DPP10: variants seen among roughly 807,000 people sequenced by gnomAD.
The protein encoded by DPP10 is dipeptidyl peptidase like 10.
In DPP10, 33 loss-of-function variants were observed where a neutral mutation model predicts 120.9. The observed-to-expected ratio is 0.27, with a 90% CI of 0.21 to 0.37. The LOEUF is 0.37. DPP10 is among the 10% of genes least tolerant of loss of function. The pLI, the probability that DPP10 is intolerant of heterozygous loss-of-function variation, is 1.00. For missense variants in DPP10, 816 were observed against 942.8 expected (o/e 0.87, Z 1.76); for synonymous variants, 337 against 326.1 (o/e 1.03, Z -0.36).
intron 1 of DPP10, among the ~76,000 whole-genome samples, chr2:115,048,902 A>G (rs1229075705): frequency 1.3e-5 from 2 of 152,004 alleles, no homozygotes; most frequent in African/African-American, 4.8e-5. Context: ...CCCTATTTTA[A>G]CAGTTGTCAT....
intron 5 of DPP10, among the ~76,000 whole-genome samples, chr2:115,624,646 A>C (rs2085220002): frequency 6.6e-6 from 1 of 152,246 alleles, no homozygotes; most frequent in African/African-American, 2.4e-5. Context: ...CAATGGAGTT[A>C]ATAATACTTA....
chr2:115,323,651 T>C (rs1464509456), intron 2 of DPP10, among the ~76,000 whole-genome samples: 2 of 152,170 alleles, frequency 1.3e-5, no homozygotes, highest in Non-Finnish European at 2.9e-5. Flanking sequence ...TCAAAATTAC[T>C]CCTTGATCCG....
At chr2:115,731,908 G>A (rs1402747293) in intron 8 of DPP10, among the ~76,000 whole-genome samples, 1 of 152,124 alleles carries the variant, frequency 6.6e-6, no homozygotes, top group Non-Finnish European at 1.5e-5. Flanking sequence ...TATTTTGACT[G>A]CTACCCCCAA....
At chr2:114,807,100 T>C (rs1185972620) in intron 1 of DPP10, among the ~76,000 whole-genome samples, 1 of 152,184 alleles carries the variant, frequency 6.6e-6, no homozygotes, top group Non-Finnish European at 1.5e-5. Flanking sequence ...TATGAGAAAG[T>C]GCATAAAACA....
At chr2:115,820,915 CT>C (rs1687755464) in intron 21 of DPP10, among the ~76,000 whole-genome samples, 1 of 151,260 alleles carries the variant, frequency 6.6e-6, no homozygotes. Flanking sequence ...ATGAATTTTA[CT>C]GCTATAAACA....
At chr2:115,467,981 G>A (rs2074435396) in intron 3 of DPP10, 2 of 265,458 alleles carry the variant, frequency 7.5e-6, no homozygotes, top group Admixed American at 4.5e-5. Flanking sequence ...TAAGGAAATT[G>A]AGCTTTCTGT....
chr2:114,999,250 C>T (rs17043894), intron 1 of DPP10, among the ~76,000 whole-genome samples: 21,127 of 152,118 alleles, frequency 0.14, 1,516 homozygotes, highest in Middle Eastern at 0.16. Context: ...AGAGAGAGAT[C>T]TGTAGTTTTG....
At chr2:114,768,386 C>G (rs1463307495) in intron 1 of DPP10, among the ~76,000 whole-genome samples, 1 of 152,024 alleles carries the variant, frequency 6.6e-6, no homozygotes, top group Non-Finnish European at 1.5e-5. Flanking sequence ...CAGGCATTAT[C>G]CTTAAGAATA....
chr2:115,140,167 A>T (rs375957149), intron 1 of DPP10, among the ~76,000 whole-genome samples: 2 of 152,240 alleles, frequency 1.3e-5, no homozygotes, highest in African/African-American at 4.8e-5. Context: ...GGGAGGATAG[A>T]AAATACAAGG....
At chr2:114,907,855 C>T (rs1266979136) in intron 1 of DPP10, among the ~76,000 whole-genome samples, 1 of 151,932 alleles carries the variant, frequency 6.6e-6, no homozygotes, top group Admixed American at 6.6e-5. Context: ...TCTTATATTT[C>T]CTTGCTGATC....
intron 5 of DPP10, among the ~76,000 whole-genome samples, chr2:115,619,854 C>T (rs981349412): frequency 6.6e-6 from 1 of 152,110 alleles, no homozygotes; most frequent in African/African-American, 2.4e-5. Flanking sequence ...CTGAGAGTTG[C>T]TTATTTGAGT....
At chr2:114,968,866 T>G in intron 1 of DPP10, among the ~76,000 whole-genome samples, 1 of 152,218 alleles carries the variant, frequency 6.6e-6, no homozygotes, top group East Asian at 1.9e-4. Context: ...TGCCTATTAC[T>G]TTGTCAAGGC....
chr2:114,611,244 G>T lies in DPP10; in HGVS notation c.60+168406G>T, dbSNP rs141956825. On this transcript the variant is annotated intron_variant, in intron 1 of 25. Coordinates refer to ENST00000410059, the MANE Select transcript of DPP10 (RefSeq NM_020868.6). Reference sequence around the variant, plus strand: ...GCTCATCCAGGATTTAAAAATTTTCGTTTTACTATAAAAAGCAGAAAAGGA... The same window carrying T: ...GCTCATCCAGGATTTAAAAATTTTCTTTTTACTATAAAAAGCAGAAAAGGA... 6.2e-3 allele frequency among the ~76,000 whole-genome samples: 943 copies of T among 152,166 alleles called. 11 individuals are homozygous for T. Among genetic ancestry groups the T allele is most frequent in the African/African-American group, 0.022 (893 of 41,516 alleles).
At chr2:115,134,478 G>T (rs1027451148) in intron 1 of DPP10, among the ~76,000 whole-genome samples, 1 of 152,102 alleles carries the variant, frequency 6.6e-6, no homozygotes, top group African/African-American at 2.4e-5. Flanking sequence ...ATTTAGATGG[G>T]AAAACTGAGT....
At chr2:115,234,456 G>C (rs2057896603) in intron 1 of DPP10, 1 of 152,884 alleles carries the variant, frequency 6.5e-6, no homozygotes, top group Non-Finnish European at 1.5e-5. Flanking sequence ...TTCTTCCCTT[G>C]TACAAAGGAT....
intron 1 of DPP10, among the ~76,000 whole-genome samples, chr2:115,025,023 A>T (rs371024011): frequency 6.6e-6 from 1 of 151,884 alleles, no homozygotes; most frequent in East Asian, 1.9e-4. Flanking sequence ...GAACACTTGA[A>T]TCATTCTTTT....
At chr2:115,789,808 T>A (rs898002565) in intron 17 of DPP10, among the ~76,000 whole-genome samples, 3 of 152,166 alleles carry the variant, frequency 2.0e-5, no homozygotes, top group Non-Finnish European at 4.4e-5. Flanking sequence ...ATTTCATCAA[T>A]GAAAATGCAA....
In DPP10 at chr2:115,676,894, C is replaced by G. The variant is rs1472240382; in HGVS notation, c.442-12793C>G. Among the ~76,000 whole-genome samples, 6 of 152,228 alleles carry G rather than the reference C, an allele frequency of 3.9e-5. No individual in the cohort carries two copies. The East Asian group carries it at 1.2e-3, about 29-fold the overall frequency. Reference sequence around the variant, plus strand: ...GTCCTCTCTGAAGTACAATAAATAACTATCACAAGATAAAGAGAGACTTCT... The same window carrying G: ...GTCCTCTCTGAAGTACAATAAATAAGTATCACAAGATAAAGAGAGACTTCT... On this transcript the variant is annotated intron_variant, in intron 5 of 25. Transcript: ENST00000410059.
At chr2:114,706,194 C>T (rs1700675651) in intron 1 of DPP10, among the ~76,000 whole-genome samples, 1 of 152,316 alleles carries the variant, frequency 6.6e-6, no homozygotes, top group South Asian at 2.1e-4. Flanking sequence ...AGAACCAGCA[C>T]ATTTTACAAA....
Sources: allele counts gnomAD v4.1 joint callset (sites outside exome capture counted in the v4.1 genomes callset), GRCh38; gene constraint gnomAD v4.1.1; transcripts MANE v1.5; gene names NCBI Gene and HGNC (gene_info 2026-07-23, HGNC 2026-07-21).